The following CNTNAP2 variants were observed in gnomAD, a reference collection of about 807,000 sequenced individuals.
The protein encoded by CNTNAP2 is contactin-associated protein-like 2.
A neutral mutation model predicts 155.2 loss-of-function variants in CNTNAP2; 98 were observed. The observed-to-expected ratio is 0.63, with a 90% CI of 0.54 to 0.75. CNTNAP2 has a LOEUF of 0.75. Ranked by LOEUF, CNTNAP2 falls within the 30% of genes least tolerant of loss-of-function variation. The pLI, the probability that CNTNAP2 is intolerant of heterozygous loss-of-function variation, is 0.00. For missense variants in CNTNAP2, 1,727 were observed against 1,688.1 expected (o/e 1.02, Z -0.40); for synonymous variants, 651 against 631.2 (o/e 1.03, Z -0.47).
Position 147,792,976 on chromosome 7 carries a change from C to T in CNTNAP2, c.2099-110589C>T, listed in dbSNP as rs572059807. On this transcript the variant is annotated intron_variant, in intron 13 of 23. Transcript: ENST00000361727. ...GATGGGCATCTTTTCATGTGTTTAT[C>T]GGCCATTTGTTTATCTTACTTGGAG... 5.3e-5 allele frequency among the ~76,000 whole-genome samples: 8 copies of T among 152,104 alleles called. No homozygotes were observed. In the East Asian group the frequency reaches 1.2e-3, roughly 22 times the overall value.
intron 13 of CNTNAP2, among the ~76,000 whole-genome samples, chr7:147,776,619 GGAT>G (rs1797589814): frequency 6.6e-6 from 1 of 152,088 alleles, no homozygotes; most frequent in East Asian, 1.9e-4. Context: ...ATATTTTCAA[GGAT>G]GATATTTCAA....
intron 1 of CNTNAP2, among the ~76,000 whole-genome samples, chr7:146,167,027 T>C (rs1265504172): frequency 2.6e-5 from 4 of 152,192 alleles, no homozygotes; most frequent in African/African-American, 4.8e-5. Flanking sequence ...GGAGAATTTC[T>C]TCCCAGACAT....
At chr7:147,014,399 T>C (rs1798682350) in intron 3 of CNTNAP2, among the ~76,000 whole-genome samples, 1 of 152,160 alleles carries the variant, frequency 6.6e-6, no homozygotes, top group South Asian at 2.1e-4. Flanking sequence ...TTTTATCCAC[T>C]GGTGTAATAT....
intron 1 of CNTNAP2, among the ~76,000 whole-genome samples, chr7:146,274,738 C>A (rs1800137501): frequency 6.6e-6 from 1 of 151,888 alleles, no homozygotes; most frequent in Admixed American, 6.5e-5. Context: ...AATTCTAACT[C>A]ATTTCTGAGT....
At position 148,279,393 on chromosome 7, in the gene CNTNAP2, G is replaced by A. The variant is rs60328902; in HGVS notation, c.3475+12267G>A. 1.2e-4 allele frequency among the ~76,000 whole-genome samples: 19 copies of A among 152,328 alleles called. No individual in the cohort carries two copies. In the East Asian group the frequency reaches 2.7e-3, roughly 22 times the overall value. On this transcript the variant is annotated intron_variant, in intron 21 of 23. Transcript: ENST00000361727. ...AGCCCATAGTATTTGGTGATCAACC[G>A]GATGTGGTGGGTGAGAGAAAGAGAA... is the stretch of plus-strand genomic sequence containing the variant.
At chr7:146,668,989 T>C (rs564000917) in intron 1 of CNTNAP2, among the ~76,000 whole-genome samples, 82 of 152,166 alleles carry the variant, frequency 5.4e-4, no homozygotes, top group Non-Finnish European at 1.1e-3. Context: ...TGTTAAATAT[T>C]TCATGTGTAC....
At position 146,845,894 on chromosome 7, in the gene CNTNAP2, A is replaced by G. The variant is rs564227316; in HGVS notation, c.402+5990A>G. ...CATCATGATGGCCTTGTGTCCAATG[A>G]GCCATTTAAGGGGACACTGTTTAGA... On this transcript the variant is annotated intron_variant, in intron 3 of 23. Transcript: ENST00000361727. 2.6e-5 allele frequency among the ~76,000 whole-genome samples: 4 copies of G among 152,294 alleles called. No homozygotes were observed. The South Asian group carries it at 8.3e-4, about 32-fold the overall frequency.
chr7:148,282,909 C>A (rs193036097), intron 21 of CNTNAP2, among the ~76,000 whole-genome samples: 1 of 151,848 alleles, frequency 6.6e-6, no homozygotes, highest in African/African-American at 2.4e-5. Context: ...TTTTGCATAC[C>A]CAATTGTTTT....
intron 19 of CNTNAP2, among the ~76,000 whole-genome samples, chr7:148,228,402 G>A (rs925315955): frequency 1.3e-5 from 2 of 152,116 alleles, no homozygotes; most frequent in South Asian, 4.1e-4. Context: ...AACTATCATT[G>A]AGGGCAAAAA....
rs1039435964 is a variant in CNTNAP2, at chr7:146,908,037, A to C, written c.402+68133A>C. Reference sequence around the variant, plus strand: ...TAAAACAGACTTTAAACCAACAAAGATCAAAAGAGACAAAGAAGGCCATTA... The same window carrying C: ...TAAAACAGACTTTAAACCAACAAAGCTCAAAAGAGACAAAGAAGGCCATTA... On this transcript the variant is annotated intron_variant, in intron 3 of 23. Transcript: ENST00000361727. 7.6e-4 allele frequency among the ~76,000 whole-genome samples: 115 copies of C among 152,238 alleles called. 1 individual carries two copies. The highest frequency in any genetic ancestry group is 3.4e-3 in the Middle Eastern group (1 of 294).
chr7:147,692,943 T>A (rs746868201), intron 13 of CNTNAP2, among the ~76,000 whole-genome samples: 2 of 152,034 alleles, frequency 1.3e-5, no homozygotes, highest in East Asian at 3.9e-4. Context: ...ATTTTCTCCC[T>A]TGTCATTTCT....
chr7:146,364,938 C>T (rs773736722), intron 1 of CNTNAP2, among the ~76,000 whole-genome samples: 6 of 151,638 alleles, frequency 4.0e-5, no homozygotes, highest in Non-Finnish European at 5.9e-5. Context: ...CCAATGTAAT[C>T]GTTTTTTAAT....
intron 14 of CNTNAP2, among the ~76,000 whole-genome samples, chr7:147,936,223 A>G (rs1433918638): frequency 6.6e-6 from 1 of 152,118 alleles, no homozygotes; most frequent in East Asian, 1.9e-4. Flanking sequence ...AAGACACATG[A>G]TTTTAGATCA....
chr7:146,897,466 A>G (rs1795900349), intron 3 of CNTNAP2, among the ~76,000 whole-genome samples: 2 of 152,236 alleles, frequency 1.3e-5, no homozygotes, highest in Admixed American at 6.5e-5. Flanking sequence ...AAAGCTCTTT[A>G]TGGTTCGTGG....
chr7:147,814,478 G>T (rs1168193621), intron 13 of CNTNAP2, among the ~76,000 whole-genome samples: 1 of 152,014 alleles, frequency 6.6e-6, no homozygotes, highest in African/African-American at 2.4e-5. Context: ...AAATTAGCTT[G>T]GTTTAATAAT....
intron 11 of CNTNAP2, among the ~76,000 whole-genome samples, chr7:147,502,739 G>A (rs112548868): frequency 1.3e-3 from 109 of 83,028 alleles, no homozygotes; most frequent in African/African-American, 1.8e-3. Context: ...GTGTGTGTGT[G>A]TGTATATATA....
chr7:147,203,648 TA>T (rs1403300998), intron 8 of CNTNAP2, among the ~76,000 whole-genome samples: 1 of 152,204 alleles, frequency 6.6e-6, no homozygotes, highest in African/African-American at 2.4e-5. Flanking sequence ...ACTATATTAT[TA>T]AAGTAAATAC....
intron 13 of CNTNAP2, among the ~76,000 whole-genome samples, chr7:147,818,080 C>T (rs1798304116): frequency 6.6e-6 from 1 of 151,528 alleles, no homozygotes; most frequent in South Asian, 2.1e-4. Context: ...ATCAGTTATT[C>T]CCACATAACT....
At chr7:148,061,769 G>A (rs963393687) in intron 15 of CNTNAP2, among the ~76,000 whole-genome samples, 34 of 151,956 alleles carry the variant, frequency 2.2e-4, no homozygotes, top group African/African-American at 7.5e-4. Flanking sequence ...AACAATATAA[G>A]ACAATAGGAA....
Sources: allele counts gnomAD v4.1 joint callset (sites outside exome capture counted in the v4.1 genomes callset), GRCh38; gene constraint gnomAD v4.1.1; transcripts MANE v1.5; gene names NCBI Gene and HGNC (gene_info 2026-07-23, HGNC 2026-07-21).